The following MYO5B variants were observed in gnomAD, a reference collection of about 807,000 sequenced individuals.
The protein encoded by MYO5B is myosin VB, also known as unconventional myosin-Vb.
MYO5B carries 143 observed loss-of-function variants against 229.3 expected under a neutral mutation model. The ratio of observed to expected loss-of-function variants is 0.62; its 90% confidence interval spans 0.54 to 0.72. The LOEUF (loss-of-function observed/expected upper bound fraction) is 0.72, where lower values mean the gene tolerates loss of function less well. MYO5B is among the 30% of genes least tolerant of loss of function. The pLI, the probability that MYO5B is intolerant of heterozygous loss-of-function variation, is 0.00. For missense variants in MYO5B, 2,321 were observed against 2,331.0 expected (o/e 1.00, Z 0.09); for synonymous variants, 918 against 885.2 (o/e 1.04, Z -0.66).
intron 20 of MYO5B, among the ~76,000 whole-genome samples, chr18:49,904,037 G>A (rs943908914): frequency 3.9e-5 from 6 of 152,238 alleles, no homozygotes; most frequent in African/African-American, 1.4e-4. Context: ...GCTGGCCTGG[G>A]CCCTCAGGCA....
chr18:49,943,416 G>A (rs571352318), intron 14 of MYO5B, among the ~76,000 whole-genome samples: 38 of 152,114 alleles, frequency 2.5e-4, no homozygotes, highest in African/African-American at 8.7e-4. Context: ...CATAAATATT[G>A]TCTTTTTAGA....
chr18:49,874,764 A>G (rs1248875799), intron 26 of MYO5B, among the ~76,000 whole-genome samples: 1 of 152,204 alleles, frequency 6.6e-6, no homozygotes, highest in African/African-American at 2.4e-5. Flanking sequence ...CTATGAGTTC[A>G]GCTGATGATA....
intron 2 of MYO5B, among the ~76,000 whole-genome samples, chr18:50,042,354 TA>T (rs2030045201): frequency 6.6e-6 from 1 of 152,212 alleles, no homozygotes; most frequent in South Asian, 2.1e-4. Context: ...TCCCTTTATT[TA>T]AAACTGTTTT....
chr18:49,974,798 G>GACACAGACACAC lies in MYO5B; in HGVS notation c.1057-184_1057-183insGTGTGTCTGTGT, dbSNP rs2025730759. Among the ~76,000 whole-genome samples the GACACAGACACAC allele has an allele frequency of 1.4e-4, 19 of 131,098 alleles. No homozygotes were observed. The East Asian group carries it at 4.3e-3, about 30-fold the overall frequency. 86.0% of individuals were successfully genotyped at this position (131,098 alleles called of 152,430 possible). ...TCTCTCTCACACACACACACACACA[G>GACACAGACACAC]ACACACACACACACACACACACACA... On this transcript the variant is annotated intron_variant, in intron 9 of 39. Coordinates refer to ENST00000285039, the MANE Select transcript of MYO5B (RefSeq NM_001080467.3).
Position 49,878,929 on chromosome 18 carries a change from G to A in MYO5B, c.3276+16C>T. The A allele has an allele frequency of 6.2e-7, 1 of 1,614,096 alleles. No homozygotes were observed. The highest frequency in any genetic ancestry group is 1.3e-5 in the African/African-American group (1 of 75,048). ...CAGGGACCTGTGCCATGGCACAGCA[G>A]AAGCACCCCCCTTGCCTTTATGATG... is the stretch of plus-strand genomic sequence containing the variant. On this transcript the variant is annotated intron_variant, in intron 24 of 39. Coordinates refer to ENST00000285039, the MANE Select transcript of MYO5B (RefSeq NM_001080467.3).
chr18:49,839,127 T>C lies in MYO5B; in HGVS notation c.4852+17A>G. On this transcript the variant is annotated intron_variant, in intron 36 of 39. Transcript: ENST00000285039. The stretch of plus-strand genomic sequence containing the variant: ...GACACCATGATGAGTGATGTAGCTC[T>C]CCTGCTGCCAGCTTACCTATCATCG... The C allele has an allele frequency of 6.2e-7, 1 of 1,612,540 alleles. No individual in the cohort carries two copies. Among genetic ancestry groups the C allele is most frequent in the South Asian group, 1.1e-5 (1 of 91,012 alleles).
intron 12 of MYO5B, among the ~76,000 whole-genome samples, chr18:49,959,988 C>A (rs1238641024): frequency 6.6e-6 from 1 of 152,098 alleles, no homozygotes; most frequent in Non-Finnish European, 1.5e-5. Flanking sequence ...GCTTTTCCAC[C>A]TCAGGTGGTT....
At position 50,010,437 on chromosome 18, in the gene MYO5B, T is replaced by A. The variant is rs1343210942; in HGVS notation, c.456-9026A>T. Reference sequence around the variant, plus strand: ...CAGACAGAGGGAGACAGAGCACTGGTTAGGGCACTCCTCGGTGTAAATGGG... The same window carrying A: ...CAGACAGAGGGAGACAGAGCACTGGATAGGGCACTCCTCGGTGTAAATGGG... On this transcript the variant is annotated intron_variant, in intron 4 of 39. Coordinates refer to ENST00000285039, the MANE Select transcript of MYO5B (RefSeq NM_001080467.3). Among the ~76,000 whole-genome samples the A allele has an allele frequency of 2.6e-5, 4 of 152,190 alleles. No individual in the cohort carries two copies. The East Asian group carries it at 7.7e-4, about 29-fold the overall frequency.
At chr18:49,962,887 T>C in intron 11 of MYO5B, 62 bp downstream of exon 11, 1 of 1,388,186 alleles carries the variant, frequency 7.2e-7, no homozygotes, top group Non-Finnish European at 1.0e-6. Flanking sequence ...AAGTGGCCTG[T>C]CTGTCCCTCC....
At chr18:50,135,560 C>G (rs575472394) in intron 1 of MYO5B, among the ~76,000 whole-genome samples, 3 of 152,314 alleles carry the variant, frequency 2.0e-5, no homozygotes, top group African/African-American at 7.2e-5. Context: ...CCCAAAGACA[C>G]CTCTCTGGTT....
At chr18:50,087,255 A>T (rs1401584047) in intron 1 of MYO5B, among the ~76,000 whole-genome samples, 1 of 152,200 alleles carries the variant, frequency 6.6e-6, no homozygotes, top group East Asian at 1.9e-4. Flanking sequence ...TACCCTGGAT[A>T]AAACATCTTA....
intron 25 of MYO5B, among the ~76,000 whole-genome samples, chr18:49,877,517 T>G (rs1368166013): frequency 6.6e-6 from 1 of 152,192 alleles, no homozygotes; most frequent in East Asian, 1.9e-4. Context: ...GAGATCCACC[T>G]TCTTCTTTCC....
In MYO5B at chr18:49,927,126, C is replaced by T. The variant is rs189179981; in HGVS notation, c.2090+2386G>A. Among the ~76,000 whole-genome samples the T allele has an allele frequency of 3.1e-4, 47 of 152,262 alleles. No individual in the cohort carries two copies. In the East Asian group the frequency reaches 5.4e-3, roughly 18 times the overall value. Reference sequence around the variant, plus strand: ...AAAATAAGGAATGTACTTAATACCACTAAACTGTACACTTAGAAGTGGCTA... The same window carrying T: ...AAAATAAGGAATGTACTTAATACCATTAAACTGTACACTTAGAAGTGGCTA... On this transcript the variant is annotated intron_variant, in intron 17 of 39. Coordinates refer to ENST00000285039, the MANE Select transcript of MYO5B (RefSeq NM_001080467.3).
intron 1 of MYO5B, among the ~76,000 whole-genome samples, chr18:50,193,366 G>A (rs2033254374): frequency 6.6e-6 from 1 of 152,210 alleles, no homozygotes; most frequent in Non-Finnish European, 1.5e-5. Flanking sequence ...AGGCTGCTGC[G>A]GCCCCACCCC....
rs199588107 is a variant in MYO5B, at chr18:49,895,154, A to C, written c.2832T>G (p.Leu944=). Residue 944 remains leucine, a synonymous_variant, in exon 22 of 40, where the codon CTT becomes CTG. Transcript: ENST00000285039. The part of the protein sequence containing the change: ...IDEQNKEFKT[L]SEQLSVTTST... ...AGGTGGTCACGGACAACTGCTCTGA[A>C]AGTGTCTTGAACTCTTTGTTCTGTG... The C allele has an allele frequency of 4.4e-5, 71 of 1,613,978 alleles. No individual in the cohort carries two copies. The highest frequency in any genetic ancestry group is 5.8e-5 in the Non-Finnish European group (69 of 1,180,038).
chr18:49,954,030 G>A (rs1415769491), intron 13 of MYO5B, among the ~76,000 whole-genome samples: 1 of 53,416 alleles, frequency 1.9e-5, no homozygotes, highest in South Asian at 7.8e-4. Flanking sequence ...TTATATGTGT[G>A]TGTGTGTGTG....
chr18:49,922,257 T>C (rs979157472), intron 17 of MYO5B, among the ~76,000 whole-genome samples: 1 of 152,216 alleles, frequency 6.6e-6, no homozygotes, highest in Non-Finnish European at 1.5e-5. Flanking sequence ...CCAGACACAG[T>C]AGGCATATAC....
intron 4 of MYO5B, among the ~76,000 whole-genome samples, chr18:50,024,201 T>G (rs1165685795): frequency 6.6e-6 from 1 of 152,200 alleles, no homozygotes; most frequent in Non-Finnish European, 1.5e-5. Flanking sequence ...TGAGCATATA[T>G]TAATCCCCAG....
rs562768042 is a variant in MYO5B, at chr18:49,840,986, G to C, written c.4701+379C>G. Among the ~76,000 whole-genome samples, 135 of 152,340 alleles carry C rather than the reference G, an allele frequency of 8.9e-4. 1 individual carries two copies. The highest frequency in any genetic ancestry group is 1.4e-3 in the Admixed American group (21 of 15,310). ...TTAATCAGTTGGCTTAGGAGACAGG[G>C]TGACCCACTAGGCAACTGAGCTCCC... On this transcript the variant is annotated intron_variant, in intron 35 of 39. Transcript: ENST00000285039.
Sources: allele counts gnomAD v4.1 joint callset (sites outside exome capture counted in the v4.1 genomes callset), GRCh38; gene constraint gnomAD v4.1.1; transcripts MANE v1.5; gene names NCBI Gene and HGNC (gene_info 2026-07-23, HGNC 2026-07-21).